NTN5: variants seen among roughly 807,000 people sequenced by gnomAD.
NTN5 encodes the protein netrin 5, also known as netrin-5.
A neutral mutation model predicts 38.7 loss-of-function variants in NTN5; 42 were observed. That is an observed-to-expected ratio of 1.08 (90% CI 0.85 to 1.40). The LOEUF (loss-of-function observed/expected upper bound fraction) is 1.40. NTN5 is among the 40% of genes most tolerant of loss of function. The pLI is 0.00. For missense variants in NTN5, 658 were observed against 716.5 expected, an observed-to-expected ratio of 0.92 and a Z score of 0.93; for synonymous variants, 329 against 303.9, an observed-to-expected ratio of 1.08 and a Z score of -0.86.
Position 48,664,736 on chromosome 19 carries a change from G to A in NTN5, c.663C>T (p.Cys221=), listed in dbSNP as rs201443263. 1.3e-6 allele frequency: 2 copies of A among 1,581,028 alleles called. No homozygotes were observed. The highest frequency in any genetic ancestry group is 1.7e-6 in the Non-Finnish European group (2 of 1,164,266). The change falls in exon 3 of 7, where the codon TGC becomes TGT. Residue 221 remains cysteine (C), a synonymous_variant. Transcript: ENST00000270235. ...GTCTGAACAGCTCAGAGTTGAACCG[G>A]CAGCGTCGGGCGTGCTGGTTGCAGG... The part of the protein sequence containing the change: ...PCSCNQHARR[C]RFNSELFRLS...
chr19:48,664,903 G>C, intron 2 of NTN5, 136 bp from the exon 3 acceptor site: 1 of 665,190 alleles, frequency 1.5e-6, no homozygotes, highest in Non-Finnish European at 2.3e-6. Flanking sequence ...TGGGTCCCAG[G>C]ACATCTCTAT....
At position 48,664,676 on chromosome 19, in the gene NTN5, C is replaced by T. The variant is rs1373730808; in HGVS notation, c.723G>A (p.Arg241=). The part of the protein sequence containing the change: ...SGGRSGGVCE[R]CRHHTAGRHC... ...GCCGCCCAGCTGTGTGGTGGCGGCA[C>T]CGCTCACAAACACCCCCACTCCGGC... is the stretch of plus-strand genomic sequence containing the variant. The change falls in exon 3 of 7, where the codon CGG becomes CGA. Residue 241 remains arginine (R), a synonymous_variant. Transcript: ENST00000270235. 1.2e-6 allele frequency: 2 copies of T among 1,611,760 alleles called. No homozygotes were observed. Among genetic ancestry groups the T allele is most frequent in the Non-Finnish European group, 1.7e-6 (2 of 1,179,344 alleles).
chr19:48,665,529 A>T (rs1449368747), intron 2 of NTN5, among the ~76,000 whole-genome samples: 2 of 151,584 alleles, frequency 1.3e-5, no homozygotes, highest in South Asian at 4.2e-4. Flanking sequence ...GCCTCTAAAG[A>T]GTAGGCTGCA....
At chr19:48,667,708 T>A (rs926428685) in intron 2 of NTN5, among the ~76,000 whole-genome samples, 3 of 151,750 alleles carry the variant, frequency 2.0e-5, no homozygotes, top group African/African-American at 7.3e-5. Context: ...AATACAAAAT[T>A]AGCCGGGCGT....
Position 48,661,876 on chromosome 19 carries a change from T to C in NTN5, c.1271A>G (p.Gln424Arg), listed in dbSNP as rs760927020. 136 of 1,345,882 alleles carry C rather than the reference T, an allele frequency of 1.0e-4. 1 individual carries two copies. In the South Asian group the frequency reaches 1.9e-3, roughly 19 times the overall value. 83.4% of individuals were successfully genotyped at this position (1,345,882 alleles called of 1,614,324 possible). A position where few individuals can be genotyped will look rare whatever the true frequency, so the allele number is the denominator to read the frequency against. ...ADLTCGCLRL[Q>R]PGTDYLLLGS... ...CAGCAGCAGGTAGTCGGTGCCTGGCTGCAGGCGCAGGCAGCCGCAGGTCAG... is the reference window on the plus strand; with the variant it reads ...CAGCAGCAGGTAGTCGGTGCCTGGCCGCAGGCGCAGGCAGCCGCAGGTCAG... Residue 424 changes from glutamine (Q) to arginine (R), a missense_variant, in exon 7 of 7, where the codon CAG becomes CGG. Physicochemically the swap from Gln to Arg is conservative, Grantham distance 43. Coordinates refer to ENST00000270235, the MANE Select transcript of NTN5 (RefSeq NM_145807.4).
In NTN5 at chr19:48,664,414, C is replaced by CTG; in HGVS notation, c.821-123_821-122insCA. On this transcript the variant is annotated intron_variant, in intron 3 of 6. Transcript: ENST00000270235. ...CCCCCAGCCCCTCTTCCCTCAGACC[C>CTG]AGGAGTCCAGGCCCCCAGCCCCTCC... 13 of 1,369,372 alleles carry CTG rather than the reference C, an allele frequency of 9.5e-6. No homozygotes were observed. The South Asian group carries it at 1.3e-4, about 13-fold the overall frequency. The allele number at this position is 1,369,372 out of a possible 1,614,324, so 84.8% of individuals were successfully genotyped here. A position where few individuals can be genotyped will look rare whatever the true frequency, so the allele number is the denominator to read the frequency against.
At chr19:48,669,942 C>CCAT (rs1568452740) in intron 2 of NTN5, among the ~76,000 whole-genome samples, 3 of 91,208 alleles carry the variant, frequency 3.3e-5, no homozygotes, top group East Asian at 9.1e-4. Flanking sequence ...ACTACCATCA[C>CCAT]CATCACCACC....
At position 48,661,663 on chromosome 19, in the gene NTN5, GC is replaced by G; in HGVS notation, c.*13del. ...AATTACTTTGTTGGTGCTCGAGGCA[GC>G]CCCATCTCACGTCTAGTGCTCCGGC... On this transcript the variant is annotated 3_prime_UTR_variant, in exon 7 of 7. Transcript: ENST00000270235. 2 of 1,528,722 alleles carry G rather than the reference GC, an allele frequency of 1.3e-6. No individual in the cohort carries two copies. The highest frequency in any genetic ancestry group is 2.0e-5 in the Admixed American group (1 of 49,300). 94.7% of individuals were successfully genotyped at this position (1,528,722 alleles called of 1,614,324 possible). A position where few individuals can be genotyped will look rare whatever the true frequency, so the allele number is the denominator to read the frequency against.
intron 6 of NTN5, chr19:48,662,329 A>G: frequency 3.7e-6 from 1 of 270,906 alleles, no homozygotes; most frequent in South Asian, 1.5e-4. Flanking sequence ...GTCAGAAGGT[A>G]TCAATGGTGG....
intron 2 of NTN5, among the ~76,000 whole-genome samples, chr19:48,668,784 T>C (rs2031770612): frequency 1.3e-5 from 2 of 152,152 alleles, no homozygotes; most frequent in South Asian, 4.1e-4. Context: ...AATATGTGTT[T>C]AATGACCGAA....
chr19:48,669,252 C>A (rs1210206199), intron 2 of NTN5, among the ~76,000 whole-genome samples: 1 of 18,400 alleles, frequency 5.4e-5, no homozygotes, highest in Admixed American at 3.8e-4. Flanking sequence ...ACCACCATCA[C>A]CACCACCACG....
intron 2 of NTN5, among the ~76,000 whole-genome samples, chr19:48,666,176 G>A (rs894586679): frequency 4.6e-5 from 7 of 152,136 alleles, no homozygotes; most frequent in Non-Finnish European, 1.0e-4. Flanking sequence ...ACAGCTAGCG[G>A]GTAGTTGGAG....
At chr19:48,669,748 CCAT>C (rs2031871859) in intron 2 of NTN5, among the ~76,000 whole-genome samples, 3 of 116,056 alleles carry the variant, frequency 2.6e-5, no homozygotes, top group Non-Finnish European at 3.6e-5. Flanking sequence ...ATCACCACCA[CCAT>C]CACCATCGTC....
chr19:48,663,651 C>A, intron 5 of NTN5, 108 bp from the exon 6 acceptor site: 1 of 1,513,790 alleles, frequency 6.6e-7, no homozygotes, highest in Non-Finnish European at 9.2e-7. Flanking sequence ...GGTACCCAAA[C>A]CTTTGGGACT....
At position 48,670,911 on chromosome 19, in the gene NTN5, G is replaced by A; in HGVS notation, c.76C>T (p.Pro26Ser). 6.2e-7 allele frequency: 1 copy of A among 1,603,628 alleles called. No individual in the cohort carries two copies. The highest frequency in any genetic ancestry group is 1.3e-5 in the African/African-American group (1 of 74,934). The change falls in exon 2 of 7, where the codon CCC (proline) becomes TCC (serine). Residue 26 changes from proline to serine, a missense_variant. Pro to Ser is a moderately conservative substitution (Grantham distance 74). Coordinates refer to ENST00000270235, the MANE Select transcript of NTN5 (RefSeq NM_145807.4). The part of the protein sequence containing the change: ...ADPCYDPQGR[P>S]QFCLPPVTQL... ...GTCACTGGCGGGAGGCAGAATTGGGGGCGGCCCTGTGGATCGTAGCATGGG... is the reference window on the plus strand; with the variant it reads ...GTCACTGGCGGGAGGCAGAATTGGGAGCGGCCCTGTGGATCGTAGCATGGG...
At position 48,661,585 on chromosome 19, in the gene NTN5, G is replaced by A; in HGVS notation, c.*92C>T. ...CGTCGGGGCTCTGCGACGTCTGATTGGCTCTCTGCAGTGCACCGTCGAGGT... is the reference window on the plus strand; with the variant it reads ...CGTCGGGGCTCTGCGACGTCTGATTAGCTCTCTGCAGTGCACCGTCGAGGT... On this transcript the variant is annotated 3_prime_UTR_variant, in exon 7 of 7. Coordinates refer to ENST00000270235, the MANE Select transcript of NTN5 (RefSeq NM_145807.4). 1 of 1,325,752 alleles carries A rather than the reference G, an allele frequency of 7.5e-7. No individual in the cohort carries two copies. Among genetic ancestry groups the A allele is most frequent in the Non-Finnish European group, 9.7e-7 (1 of 1,026,396 alleles). 82.1% of individuals were successfully genotyped at this position (1,325,752 alleles called of 1,614,324 possible).
At chr19:48,668,829 T>C (rs1367849681) in intron 2 of NTN5, among the ~76,000 whole-genome samples, 1 of 152,110 alleles carries the variant, frequency 6.6e-6, no homozygotes. Flanking sequence ...AGGAGTCAGG[T>C]ACCATCCAGC....
chr19:48,667,056 C>G (rs73944852), intron 2 of NTN5, among the ~76,000 whole-genome samples: 1,786 of 152,206 alleles, frequency 0.012, 39 homozygotes, highest in African/African-American at 0.041. Context: ...TCCCCCTCTC[C>G]CAGCCTCTGT....
intron 6 of NTN5, 47 bp from the exon 7 acceptor site, chr19:48,662,088 G>A: frequency 7.2e-7 from 1 of 1,381,666 alleles, no homozygotes; most frequent in Non-Finnish European, 9.3e-7. Context: ...AGCTTCCAGG[G>A]TACCTCTGGG....
Sources: gnomAD v4.1 joint callset for allele counts (sites outside exome capture counted in the v4.1 genomes callset) on GRCh38, gnomAD v4.1.1 for gene constraint, MANE v1.5 for transcripts, NCBI Gene and HGNC (gene_info 2026-07-23, HGNC 2026-07-21) for gene names.